SH3PXD2A: variants seen among roughly 807,000 people sequenced by gnomAD.
The protein encoded by SH3PXD2A is SH3 and PX domain-containing protein 2A.
Under a neutral mutation model 115.2 loss-of-function variants are expected in SH3PXD2A, and 32 were observed. That is an observed-to-expected ratio of 0.28 (90% confidence interval 0.21 to 0.37). The LOEUF is 0.37. Among genes scored for constraint, SH3PXD2A ranks in the 10% least tolerant of loss-of-function variants. SH3PXD2A has a pLI of 1.00. For synonymous variants in SH3PXD2A, 610 were observed against 629.1 expected (o/e 0.97, Z 0.45); for missense variants, 1,328 against 1,498.7 (o/e 0.89, Z 1.88).
At chr10:103,655,649 T>C (rs917125463) in intron 8 of SH3PXD2A, among the ~76,000 whole-genome samples, 56 of 151,974 alleles carry the variant, frequency 3.7e-4, no homozygotes, top group Middle Eastern at 3.4e-3. Context: ...GGTGCACGCC[T>C]GTAATCCCAG....
intron 8 of SH3PXD2A, among the ~76,000 whole-genome samples, chr10:103,629,849 G>C (rs776126019): frequency 3.3e-5 from 5 of 152,234 alleles, no homozygotes; most frequent in Non-Finnish European, 2.9e-5. Flanking sequence ...ATCCAGCAGA[G>C]GCAAAGGGCC....
Position 103,601,667 on chromosome 10 carries a change from A to G in SH3PXD2A, c.*149T>C, listed in dbSNP as rs1564840419. 4.3e-6 allele frequency: 2 copies of G among 460,494 alleles called. No individual in the cohort carries two copies. Among genetic ancestry groups the G allele is most frequent in the Non-Finnish European group, 8.1e-6 (2 of 246,654 alleles). The allele number at this position is 460,494 out of a possible 1,614,324, so 28.5% of individuals were successfully genotyped here. On this transcript the variant is annotated 3_prime_UTR_variant, in exon 15 of 15. Coordinates refer to ENST00000369774, the MANE Select transcript of SH3PXD2A (RefSeq NM_001394015.1). Reference sequence around the variant, plus strand: ...CTGTGGGATGGCTTGGACAGGGGGCATCTTTGAGGTCACCCATTCTGCAGT... The same window carrying G: ...CTGTGGGATGGCTTGGACAGGGGGCGTCTTTGAGGTCACCCATTCTGCAGT...
At chr10:103,682,726 C>T (rs1356721303) in intron 6 of SH3PXD2A, among the ~76,000 whole-genome samples, 5 of 150,712 alleles carry the variant, frequency 3.3e-5, no homozygotes, top group South Asian at 2.1e-4. Flanking sequence ...CATTGCACTC[C>T]GGCCTGGGCA....
intron 6 of SH3PXD2A, 105 bp from the exon 7 acceptor site, chr10:103,668,757 C>A: frequency 3.0e-6 from 3 of 1,009,842 alleles, no homozygotes; most frequent in East Asian, 2.6e-5. Flanking sequence ...GCGCCGCGCT[C>A]GGCCAGCCGC....
chr10:103,777,276 G>A (rs371950373), intron 2 of SH3PXD2A, among the ~76,000 whole-genome samples: 7 of 152,232 alleles, frequency 4.6e-5, no homozygotes, highest in Admixed American at 6.5e-5. Context: ...ACCAGGCTGC[G>A]TCCCTCATGC....
chr10:103,721,598 T>C (rs1475550834), intron 5 of SH3PXD2A, among the ~76,000 whole-genome samples: 1 of 152,196 alleles, frequency 6.6e-6, no homozygotes, highest in Non-Finnish European at 1.5e-5. Flanking sequence ...ACGATCCTGA[T>C]CCTTTTCCCC....
At chr10:103,837,033 G>C (rs1165904102) in intron 1 of SH3PXD2A, among the ~76,000 whole-genome samples, 2 of 152,144 alleles carry the variant, frequency 1.3e-5, no homozygotes, top group African/African-American at 4.8e-5. Flanking sequence ...TTTGTTTCCT[G>C]AGGCAAGTCT....
intron 8 of SH3PXD2A, among the ~76,000 whole-genome samples, chr10:103,639,627 GA>G (rs1432822653): frequency 1.4e-5 from 1 of 70,722 alleles, no homozygotes. Flanking sequence ...AAAAAAAAAA[GA>G]AAAAGAAAAA....
At chr10:103,655,771 T>TAAA (rs60526548) in intron 8 of SH3PXD2A, among the ~76,000 whole-genome samples, 1 of 46,206 alleles carries the variant, frequency 2.2e-5, no homozygotes, top group Admixed American at 2.8e-4. Context: ...AGACCCTGTC[T>TAAA]AAAAAAAAAA....
chr10:103,628,491 T>A (rs1015945803), intron 8 of SH3PXD2A, among the ~76,000 whole-genome samples: 2 of 152,060 alleles, frequency 1.3e-5, no homozygotes, highest in African/African-American at 4.8e-5. Context: ...TTTTACGGTC[T>A]CGGTGTCCTC....
At chr10:103,628,982 G>A (rs1409299938) in intron 8 of SH3PXD2A, among the ~76,000 whole-genome samples, 3 of 152,228 alleles carry the variant, frequency 2.0e-5, no homozygotes, top group Non-Finnish European at 2.9e-5. Flanking sequence ...GTGGCACTGA[G>A]GGGCTGCAGA....
At chr10:103,724,650 TCAACAAACCAACAAGA>T (rs912792536) in intron 4 of SH3PXD2A, among the ~76,000 whole-genome samples, 21 of 151,986 alleles carry the variant, frequency 1.4e-4, no homozygotes, top group Admixed American at 3.9e-4. Context: ...AGCCAATTAA[TCAACAAACCAACAAGA>T]CAACAACAAG....
At chr10:103,798,071 G>T (rs1158615008) in intron 2 of SH3PXD2A, among the ~76,000 whole-genome samples, 2 of 152,204 alleles carry the variant, frequency 1.3e-5, no homozygotes, top group Non-Finnish European at 2.9e-5. Flanking sequence ...CCTCGTGGGT[G>T]CCTGGCCTTC....
chr10:103,784,434 T>C lies in SH3PXD2A; in HGVS notation c.153+16848A>G, dbSNP rs1444354164. ...AGGCAGGAGGAAGGGAATGTAGCATTGACCAGACACCTCTTCTATCTGCAC... is the reference window on the plus strand; with the variant it reads ...AGGCAGGAGGAAGGGAATGTAGCATCGACCAGACACCTCTTCTATCTGCAC... On this transcript the variant is annotated intron_variant, in intron 2 of 14. Transcript: ENST00000369774. This position sits in a 1 kb window ranked among gnomAD's most constrained non-coding sequence, Gnocchi z 4.4. Among the ~76,000 whole-genome samples, 1 of 152,196 alleles carries C rather than the reference T, an allele frequency of 6.6e-6. No individual in the cohort carries two copies. Among genetic ancestry groups the C allele is most frequent in the Admixed American group, 6.5e-5 (1 of 15,274 alleles).
intron 8 of SH3PXD2A, among the ~76,000 whole-genome samples, chr10:103,654,757 G>A (rs116351056): frequency 0.01 from 1,563 of 152,224 alleles, 27 homozygotes; most frequent in African/African-American, 0.036. Context: ...CCCTATAGCT[G>A]TGGGTACAAT....
intron 1 of SH3PXD2A, among the ~76,000 whole-genome samples, chr10:103,803,352 T>C (rs1196372511): frequency 1.3e-5 from 2 of 152,216 alleles, no homozygotes; most frequent in African/African-American, 4.8e-5. Flanking sequence ...TTGCTTTACA[T>C]CATATGTAAA....
chr10:103,691,185 T>C (rs2037746137), intron 6 of SH3PXD2A, among the ~76,000 whole-genome samples: 2 of 152,148 alleles, frequency 1.3e-5, no homozygotes, highest in Non-Finnish European at 2.9e-5. Context: ...AAAGTGGCAA[T>C]GGAGGCAGGA....
chr10:103,695,153 G>T (rs181424737), intron 5 of SH3PXD2A, among the ~76,000 whole-genome samples: 2 of 152,224 alleles, frequency 1.3e-5, no homozygotes, highest in African/African-American at 4.8e-5. Context: ...TTTCCTGCTG[G>T]TCCTGGCAGG....
At chr10:103,661,722 C>T in intron 7 of SH3PXD2A, 6 of 985,206 alleles carry the variant, frequency 6.1e-6, no homozygotes, top group Non-Finnish European at 7.2e-6. Flanking sequence ...CAGGCCCAGG[C>T]GAGGAGTCAA....
Sources: allele counts gnomAD v4.1 joint callset (sites outside exome capture counted in the v4.1 genomes callset), GRCh38; gene constraint gnomAD v4.1.1; non-coding constraint Gnocchi (gnomAD v3.1); transcripts MANE v1.5; gene names NCBI Gene and HGNC (gene_info 2026-07-23, HGNC 2026-07-21).